The following BCL7A variants were observed in gnomAD, a reference collection of about 807,000 sequenced individuals.
BCL7A encodes B-cell CLL/lymphoma 7 protein family member A.
In BCL7A, 11 loss-of-function variants were observed where a neutral mutation model predicts 28.4. The observed-to-expected ratio is 0.39, with a 90% CI of 0.24 to 0.64. The LOEUF (loss-of-function observed/expected upper bound fraction) is 0.64. Among genes scored for constraint, BCL7A ranks in the 30% least tolerant of loss-of-function variants. The probability of loss-of-function intolerance (pLI) is 0.50; values close to 1 mark genes in which losing one functional copy is unlikely to be tolerated. For synonymous variants in BCL7A, 123 were observed against 103.3 expected, an observed-to-expected ratio of 1.19 and a Z score of -1.15; for missense variants, 222 against 274.8, an observed-to-expected ratio of 0.81 and a Z score of 1.36.
At chr12:122,033,772 A>G (rs1382447610) in intron 2 of BCL7A, among the ~76,000 whole-genome samples, 1 of 152,128 alleles carries the variant, frequency 6.6e-6, no homozygotes, top group East Asian at 1.9e-4. Flanking sequence ...TCACTGTTTT[A>G]TTCAGTTCAG....
chr12:122,039,659 G>A (rs1883929685), intron 3 of BCL7A, among the ~76,000 whole-genome samples: 1 of 150,998 alleles, frequency 6.6e-6, no homozygotes, highest in South Asian at 2.1e-4. Flanking sequence ...TTGGAGACCA[G>A]CCTGGTCTCT....
At chr12:122,035,560 C>T (rs1045055783) in intron 3 of BCL7A, 133 bp downstream of exon 3, 31 of 740,412 alleles carry the variant, frequency 4.2e-5, no homozygotes, top group East Asian at 1.9e-4. Flanking sequence ...CAGGGCCCGG[C>T]GGCCTCTGTG....
At chr12:122,022,744 G>A (rs1883495840) in intron 1 of BCL7A, among the ~76,000 whole-genome samples, 1 of 150,404 alleles carries the variant, frequency 6.6e-6, no homozygotes, top group African/African-American at 2.4e-5. Context: ...GCGCCCTCGA[G>A]TCTGCGGAGT....
chr12:122,059,420 T>G lies in BCL7A; in HGVS notation c.*257T>G. On this transcript the variant is annotated 3_prime_UTR_variant, in exon 6 of 6. Transcript: ENST00000261822. The surrounding 1 kb of genome is among the most constrained non-coding windows in gnomAD (Gnocchi z 4.0). ...GCGGGGCTGACAGCTCAGGAGTGTC[T>G]GCACACTGTCTCGGAAGCCAGGATT... 2.5e-6 allele frequency: 1 copy of G among 400,920 alleles called. No individual in the cohort carries two copies. The highest frequency in any genetic ancestry group is 4.6e-6 in the Non-Finnish European group (1 of 218,802). 24.8% of individuals were successfully genotyped at this position (400,920 alleles called of 1,614,324 possible).
rs1951899574 is a variant in BCL7A, at chr12:122,059,156, A to G, written c.626A>G (p.Glu209Gly). ...KLEASQQNSE[E>G]M ...GAGGCCTCTCAACAAAACTCCGAAG[A>G]GATGTAGACGATGCTTTAAAGCCTC... The change falls in exon 6 of 6, where the codon GAG (glutamate) becomes GGG (glycine). Residue 209 changes from glutamate (E) to glycine (G), a missense_variant. Physicochemically the swap from Glu to Gly is moderately conservative, Grantham distance 98. Around this residue, in one of 2 missense-constraint regions of BCL7A, gnomAD observed 155 missense variants for 145.7 expected, o/e 1.06. Transcript: ENST00000261822. This position sits in a 1 kb window ranked among gnomAD's most constrained non-coding sequence, Gnocchi z 4.0. 1.2e-6 allele frequency: 2 copies of G among 1,611,190 alleles called. No individual in the cohort carries two copies. The highest frequency in any genetic ancestry group is 2.2e-5 in the East Asian group (1 of 44,856).
chr12:122,045,267 G>A (rs1884050592), intron 4 of BCL7A, among the ~76,000 whole-genome samples: 1 of 152,162 alleles, frequency 6.6e-6, no homozygotes, highest in Non-Finnish European at 1.5e-5. Context: ...TGTAATTCCA[G>A]CTAGTCAGGA....
intron 1 of BCL7A, among the ~76,000 whole-genome samples, chr12:122,023,187 G>A (rs545366341): frequency 6.6e-6 from 1 of 152,352 alleles, no homozygotes; most frequent in South Asian, 2.1e-4. Context: ...GGCGCAAGCA[G>A]ATCGCCAGGT....
chr12:122,057,988 A>G (rs898874143), intron 5 of BCL7A, among the ~76,000 whole-genome samples: 2 of 151,672 alleles, frequency 1.3e-5, no homozygotes, highest in African/African-American at 4.8e-5. Flanking sequence ...CCGGGAGTTC[A>G]AGACCAGCCT....
intron 1 of BCL7A, among the ~76,000 whole-genome samples, chr12:122,022,456 T>C: frequency 7.0e-6 from 1 of 142,906 alleles, no homozygotes; most frequent in Non-Finnish European, 1.5e-5. Context: ...GGCCAGGCGG[T>C]TGGAGCGGCG....
chr12:122,054,743 C>G (rs1884273200), intron 4 of BCL7A, 62 bp from the exon 5 acceptor site: 1 of 1,530,214 alleles, frequency 6.5e-7, no homozygotes, highest in Non-Finnish European at 8.9e-7. Flanking sequence ...CAGTATTTGG[C>G]CCCACCGGCC....
At chr12:122,036,931 A>C (rs1883868772) in intron 3 of BCL7A, among the ~76,000 whole-genome samples, 1 of 151,980 alleles carries the variant, frequency 6.6e-6, no homozygotes, top group African/African-American at 2.4e-5. Context: ...CTGGTCTCGA[A>C]CTCCTGGTCT....
At position 122,043,794 on chromosome 12, in the gene BCL7A, G is replaced by T. The variant is rs908186519; in HGVS notation, c.272-92G>T. 3.0e-6 allele frequency: 4 copies of T among 1,351,938 alleles called. No homozygotes were observed. The African/African-American group carries it at 4.5e-5, about 15-fold the overall frequency. The allele number at this position is 1,351,938 out of a possible 1,614,324, so 83.7% of individuals were successfully genotyped here. A position where few individuals can be genotyped will look rare whatever the true frequency, so the allele number is the denominator to read the frequency against. ...CGGGAGAGCTGCCATGGGGTTCCGG[G>T]CATTGAGGCACAGGGATGCTGAGCC... is the stretch of plus-strand genomic sequence containing the variant. On this transcript the variant is annotated intron_variant, in intron 3 of 5. Transcript: ENST00000261822.
chr12:122,024,460 TTG>T (rs138503002), intron 1 of BCL7A, among the ~76,000 whole-genome samples: 34,519 of 92,084 alleles, frequency 0.37, 4,606 homozygotes, highest in Non-Finnish European at 0.44. Flanking sequence ...TTGAGGTTTT[TTG>T]TTTTTTTTTT....
intron 5 of BCL7A, among the ~76,000 whole-genome samples, chr12:122,056,424 GAC>G (rs1230274720): frequency 1.3e-5 from 2 of 152,018 alleles, no homozygotes; most frequent in African/African-American, 4.8e-5. Context: ...CAGGCACACC[GAC>G]ACACATATTG....
intron 4 of BCL7A, among the ~76,000 whole-genome samples, chr12:122,048,886 T>C (rs1053707959): frequency 6.6e-6 from 1 of 151,672 alleles, no homozygotes; most frequent in African/African-American, 2.4e-5. Flanking sequence ...CTGGGTGTGG[T>C]GGCGAGCACC....
intron 1 of BCL7A, among the ~76,000 whole-genome samples, chr12:122,026,863 T>C (rs190655719): frequency 7.0e-6 from 1 of 142,780 alleles, no homozygotes; most frequent in East Asian, 1.9e-4. Context: ...ACATTCGAAA[T>C]TGGCCTTAGC....
chr12:122,037,282 T>G (rs1160709463), intron 3 of BCL7A, among the ~76,000 whole-genome samples: 1 of 152,162 alleles, frequency 6.6e-6, no homozygotes, highest in Non-Finnish European at 1.5e-5. Context: ...TGACCCCAAT[T>G]TCAACGTCTT....
chr12:122,038,440 A>C lies in BCL7A; in HGVS notation c.271+3013A>C, dbSNP rs1234552352. Among the ~76,000 whole-genome samples the C allele has an allele frequency of 1.0e-4, 15 of 149,992 alleles. 1 individual carries two copies. The highest frequency in any genetic ancestry group is 3.7e-4 in the African/African-American group (15 of 41,012). ...GAGCGAGACTCTGCCTCAAAAAAAA[A>C]AAAAAAAAAAAAAAAAAAAGAGCAG... On this transcript the variant is annotated intron_variant, in intron 3 of 5. Transcript: ENST00000261822.
At chr12:122,047,061 G>A (rs1250656051) in intron 4 of BCL7A, among the ~76,000 whole-genome samples, 6 of 151,728 alleles carry the variant, frequency 4.0e-5, no homozygotes, top group Admixed American at 2.0e-4. Context: ...GCACCACCAC[G>A]CCCGGCTAAT....
Sources: allele counts gnomAD v4.1 joint callset (sites outside exome capture counted in the v4.1 genomes callset), GRCh38; gene constraint gnomAD v4.1.1; regional missense constraint gnomAD v4.1.1; non-coding constraint Gnocchi (gnomAD v3.1); transcripts MANE v1.5; gene names NCBI Gene and HGNC (gene_info 2026-07-23, HGNC 2026-07-21).